Variants in PGAM5 observed in about 807,000 individuals in gnomAD.
PGAM5 encodes PGAM family member 5, mitochondrial serine/threonine protein phosphatase.
A neutral mutation model predicts 30.6 loss-of-function variants in PGAM5; 25 were observed. That is an observed-to-expected ratio of 0.82 (90% CI 0.60 to 1.14). The LOEUF (loss-of-function observed/expected upper bound fraction) is 1.14. Ranked by LOEUF, PGAM5 falls within the 50% of genes most tolerant of loss-of-function variation. The pLI, the probability that PGAM5 is intolerant of heterozygous loss-of-function variation, is 0.00. For missense variants in PGAM5, 384 were observed against 408.5 expected (o/e 0.94, Z 0.52); for synonymous variants, 201 against 179.1 (o/e 1.12, Z -0.98).
rs373334157 is a variant in PGAM5, at chr12:132,717,576, G to A, written c.496+12G>A. 8.1e-6 allele frequency: 13 copies of A among 1,609,750 alleles called. No homozygotes were observed. Among genetic ancestry groups the A allele is most frequent in the Admixed American group, 3.3e-5 (2 of 59,976 alleles). ...CCGGCACCTGCCAGGTGAGTGCTGC[G>A]CGCGGGGCCTCCATGCTTGCAGCAG... On this transcript the variant is annotated intron_variant, in intron 3 of 5. Transcript: ENST00000498926.
intron 5 of PGAM5, among the ~76,000 whole-genome samples, chr12:132,720,346 C>T (rs1412621534): frequency 6.7e-6 from 1 of 149,328 alleles, no homozygotes; most frequent in East Asian, 2.0e-4. Flanking sequence ...CTCGCTCTGT[C>T]ACCCAGGCTG....
chr12:132,713,773 T>C (rs576262504), intron 1 of PGAM5, among the ~76,000 whole-genome samples: 1 of 151,940 alleles, frequency 6.6e-6, no homozygotes, highest in South Asian at 2.1e-4. Context: ...GCTCAAGCAA[T>C]TCTCCCACCT....
chr12:132,717,816 G>A lies in PGAM5; in HGVS notation c.585+18G>A, dbSNP rs1458851912. The stretch of plus-strand genomic sequence containing the variant: ...AAGCTGTGGTAAAAACCTCCCCGGG[G>A]GGCAGCTGTGTCACCCTCGCCTTCC... On this transcript the variant is annotated intron_variant, in intron 4 of 5. Coordinates refer to ENST00000498926, the MANE Select transcript of PGAM5 (RefSeq NM_001170543.2). 1.3e-6 allele frequency: 2 copies of A among 1,577,992 alleles called. No homozygotes were observed. The highest frequency in any genetic ancestry group is 1.7e-6 in the Non-Finnish European group (2 of 1,162,220).
At chr12:132,715,199 C>T (rs537586992) in intron 2 of PGAM5, among the ~76,000 whole-genome samples, 163 bp downstream of exon 2, 2 of 152,338 alleles carry the variant, frequency 1.3e-5, no homozygotes, top group East Asian at 1.9e-4. Context: ...GGCCCATGTC[C>T]GAGACCATCA....
intron 1 of PGAM5, 169 bp from the exon 2 acceptor site, chr12:132,714,689 G>A: frequency 1.5e-6 from 1 of 669,248 alleles, no homozygotes; most frequent in South Asian, 1.9e-5. Flanking sequence ...CTTTGTGGGA[G>A]GGAGAGTGGC....
At chr12:132,712,262 C>A (rs1484604132) in intron 1 of PGAM5, among the ~76,000 whole-genome samples, 1 of 152,046 alleles carries the variant, frequency 6.6e-6, no homozygotes, top group Non-Finnish European at 1.5e-5. Context: ...CTGTTCTGTT[C>A]TAGGGTCCCA....
At chr12:132,714,770 G>C (rs1343225449) in intron 1 of PGAM5, 88 bp from the exon 2 acceptor site, 11 of 1,473,614 alleles carry the variant, frequency 7.5e-6, no homozygotes, top group Non-Finnish European at 1.0e-5. Context: ...TTCCCAAATA[G>C]TCTGACAATT....
chr12:132,720,757 A>C lies in PGAM5; in HGVS notation c.799A>C (p.Asn267His). The C allele has an allele frequency of 6.5e-7, 1 of 1,536,298 alleles. No individual in the cohort carries two copies. The highest frequency in any genetic ancestry group is 8.7e-7 in the Non-Finnish European group (1 of 1,146,864). ...GSITHLVIRP[N>H]GRVALRTLGD... ...CATCACCCACCTGGTGATCCGACCC[A>C]ACGGCCGAGTTGCGCTCAGGACCCT... Residue 267 changes from asparagine (N) to histidine (H), a missense_variant, in exon 6 of 6, where the codon AAC becomes CAC. Asn to His is a moderately conservative substitution (Grantham distance 68). Transcript: ENST00000498926.
chr12:132,717,590 T>C (rs942282330), intron 3 of PGAM5, 26 bp downstream of exon 3: 8 of 1,608,630 alleles, frequency 5.0e-6, no homozygotes, highest in African/African-American at 4.0e-5. Flanking sequence ...GGGGCCTCCA[T>C]GCTTGCAGCA....
At chr12:132,714,796 G>C (rs1330534733) in intron 1 of PGAM5, 62 bp from the exon 2 acceptor site, 2 of 1,561,216 alleles carry the variant, frequency 1.3e-6, no homozygotes, top group Non-Finnish European at 1.8e-6. Context: ...ATAACATCTT[G>C]TCAGAAAAAC....
chr12:132,711,299 C>G, intron 1 of PGAM5: 1 of 288,744 alleles, frequency 3.5e-6, no homozygotes. Flanking sequence ...CGTCCTCGCC[C>G]TTCTCCCCGC....
chr12:132,720,332 G>T (rs1331855046), intron 5 of PGAM5, among the ~76,000 whole-genome samples: 1 of 140,318 alleles, frequency 7.1e-6, no homozygotes, highest in African/African-American at 2.6e-5. Context: ...TTTTTAGACA[G>T]AATCTCGCTC....
rs2043601123 is a variant in PGAM5, at chr12:132,718,061, G to A, written c.660G>A (p.Glu220=). The change falls in exon 5 of 6, where the codon GAG becomes GAA. Residue 220 remains glutamate, a synonymous_variant. Coordinates refer to ENST00000498926, the MANE Select transcript of PGAM5 (RefSeq NM_001170543.2). The part of the protein sequence containing the change: ...NYIHRADARQ[E]EDSYEIFICH... ...TCCACCGCGCAGATGCCAGGCAGGA[G>A]GAGGACAGTTACGAGATCTTCATCT... 4 of 1,612,902 alleles carry A rather than the reference G, an allele frequency of 2.5e-6. No individual in the cohort carries two copies. The highest frequency in any genetic ancestry group is 1.1e-5 in the South Asian group (1 of 91,086).
chr12:132,713,930 A>G (rs2043547596), intron 1 of PGAM5, among the ~76,000 whole-genome samples: 1 of 152,132 alleles, frequency 6.6e-6, no homozygotes, highest in South Asian at 2.1e-4. Context: ...CGGCCTCCCA[A>G]AGTGCTGGGA....
In PGAM5 at chr12:132,720,744, GGTGATCC is replaced by G; in HGVS notation, c.788_794del (p.Val263AspfsTer88). 6.5e-7 allele frequency: 1 copy of G among 1,536,252 alleles called. No individual in the cohort carries two copies. The highest frequency in any genetic ancestry group is 1.2e-5 in the South Asian group (1 of 84,050). On this transcript the variant is annotated frameshift_variant, in exon 6 of 6. Coordinates refer to ENST00000498926, the MANE Select transcript of PGAM5 (RefSeq NM_001170543.2). LOFTEE classifies it high-confidence loss of function. ...TCAATAATGGCAGCATCACCCACCT[GGTGATCC>G]GACCCAACGGCCGAGTTGCGCTCAG...
In PGAM5 at chr12:132,717,469, G is replaced by A. The variant is rs1433252156; in HGVS notation, c.401G>A (p.Arg134His). The change falls in exon 3 of 6, where the codon CGC becomes CAC. Residue 134 changes from arginine (R) to histidine (H), a missense_variant. Arg to His is a conservative substitution (Grantham distance 29). Transcript: ENST00000498926. Reference protein sequence around the residue: ...GREQAELTGLRLASLGLKFNK... With the variant: ...GREQAELTGLHLASLGLKFNK... The stretch of plus-strand genomic sequence containing the variant: ...GAGCAGGCTGAACTCACTGGGCTCC[G>A]CCTGGCAAGCTTGGGGTTGAAGTTT... 4 of 1,609,464 alleles carry A rather than the reference G, an allele frequency of 2.5e-6. No homozygotes were observed. Among genetic ancestry groups the A allele is most frequent in the Non-Finnish European group, 3.4e-6 (4 of 1,179,900 alleles).
At chr12:132,715,584 A>AAAT (rs61600425) in intron 2 of PGAM5, among the ~76,000 whole-genome samples, 1 of 142,318 alleles carries the variant, frequency 7.0e-6, no homozygotes, top group Non-Finnish European at 1.5e-5. Flanking sequence ...AAAAAAAAAA[A>AAAT]TGTCCTTACC....
chr12:132,711,611 C>T (rs7487109), intron 1 of PGAM5: 45,415 of 151,880 alleles, frequency 0.3, 7,993 homozygotes, highest in Non-Finnish European at 0.4. Context: ...GTGAGACCCC[C>T]ATCTCTACAA....
At chr12:132,720,587 T>TGA in intron 5 of PGAM5, 91 bp from the exon 6 acceptor site, 1 of 1,359,168 alleles carries the variant, frequency 7.4e-7, no homozygotes, top group South Asian at 1.4e-5. Flanking sequence ...ATTACAGGTG[T>TGA]GAGCCACCAT....
Sources: allele counts gnomAD v4.1 joint callset (sites outside exome capture counted in the v4.1 genomes callset), GRCh38; gene constraint gnomAD v4.1.1; transcripts MANE v1.5; gene names NCBI Gene and HGNC (gene_info 2026-07-23, HGNC 2026-07-21).